Variants in PLCE1 observed in about 807,000 individuals in gnomAD.
PLCE1 encodes the protein phospholipase C epsilon 1.
A neutral mutation model predicts 242.8 loss-of-function variants in PLCE1; 119 were observed. That is an observed-to-expected ratio of 0.49 (90% CI 0.42 to 0.57). The LOEUF is 0.57. PLCE1 is among the 20% of genes least tolerant of loss of function. The pLI is 0.00. For synonymous variants in PLCE1, 945 were observed against 1,017.4 expected (o/e 0.93, Z 1.35); for missense variants, 2,441 against 2,788.8 (o/e 0.88, Z 2.81).
At chr10:94,302,862 A>G (rs777568144) in intron 24 of PLCE1, among the ~76,000 whole-genome samples, 3 of 152,188 alleles carry the variant, frequency 2.0e-5, no homozygotes, top group Non-Finnish European at 2.9e-5. Flanking sequence ...TGCTGTTGTT[A>G]GTACTGTATG....
intron 3 of PLCE1, among the ~76,000 whole-genome samples, chr10:94,151,623 C>A (rs188432857): frequency 2.0e-5 from 3 of 152,074 alleles, no homozygotes; most frequent in Admixed American, 6.5e-5. Flanking sequence ...TGCTTAACTG[C>A]GATGGTTACA....
At chr10:94,238,118 A>G (rs546202351) in intron 7 of PLCE1, among the ~76,000 whole-genome samples, 16 of 152,342 alleles carry the variant, frequency 1.1e-4, no homozygotes, top group Admixed American at 9.8e-4. Context: ...AAGTGATTAT[A>G]AAAAGTTCAA....
intron 30 of PLCE1, among the ~76,000 whole-genome samples, chr10:94,322,710 G>T (rs575313828): frequency 6.6e-6 from 1 of 151,942 alleles, no homozygotes; most frequent in Non-Finnish European, 1.5e-5. Flanking sequence ...GCTTGAACCC[G>T]GGAGGCAGAG....
At chr10:94,206,805 T>C (rs2049171149) in intron 4 of PLCE1, among the ~76,000 whole-genome samples, 2 of 152,252 alleles carry the variant, frequency 1.3e-5, no homozygotes, top group East Asian at 3.9e-4. Flanking sequence ...CCAGACCAAC[T>C]CTTAATCAGT....
At chr10:94,048,386 C>A (rs759317985) in intron 2 of PLCE1, among the ~76,000 whole-genome samples, 1 of 151,924 alleles carries the variant, frequency 6.6e-6, no homozygotes, top group African/African-American at 2.4e-5. Flanking sequence ...AGTTTACACA[C>A]CCCCCAACCC....
At chr10:94,039,668 G>A (rs1319367598) in intron 2 of PLCE1, among the ~76,000 whole-genome samples, 2 of 152,206 alleles carry the variant, frequency 1.3e-5, no homozygotes, top group Non-Finnish European at 2.9e-5. Context: ...TTACAGGCGT[G>A]AGCCACCACA....
At chr10:94,301,964 G>A (rs2053054115) in intron 24 of PLCE1, among the ~76,000 whole-genome samples, 1 of 152,146 alleles carries the variant, frequency 6.6e-6, no homozygotes, top group Non-Finnish European at 1.5e-5. Context: ...ATAATGCAGA[G>A]TATTTTAATG....
At chr10:94,283,498 T>C (rs185892499) in intron 20 of PLCE1, 2 of 345,864 alleles carry the variant, frequency 5.8e-6, no homozygotes, top group Admixed American at 4.1e-5. Context: ...TGTATGAAAA[T>C]TGGCATCTTC....
At chr10:93,996,217 C>T (rs1335389062) in intron 1 of PLCE1, among the ~76,000 whole-genome samples, 1 of 152,156 alleles carries the variant, frequency 6.6e-6, no homozygotes, top group Non-Finnish European at 1.5e-5. Context: ...CTCTCTCTGC[C>T]GGAACTACTT....
chr10:94,139,548 C>A (rs2046889972), intron 3 of PLCE1: 1 of 152,788 alleles, frequency 6.5e-6, no homozygotes, highest in Non-Finnish European at 1.5e-5. Context: ...CCCCTAACAA[C>A]TTAGATTTTA....
chr10:94,106,944 C>CTCTCTCTCTCTCTCTCTCTCT (rs1554855409), intron 2 of PLCE1: 19 of 126,366 alleles, frequency 1.5e-4, no homozygotes, highest in East Asian at 4.6e-4. Context: ...CTCTCTCTCT[C>CTCTCTCTCTCTCTCTCTCTCT]CCCCTCCCCT....
chr10:94,304,346 T>C, intron 24 of PLCE1, 136 bp from the exon 25 acceptor site: 2 of 809,682 alleles, frequency 2.5e-6, no homozygotes, highest in Middle Eastern at 3.5e-4. Context: ...GTGGGACGAA[T>C]GGGTGATTAT....
chr10:94,040,141 C>A (rs1254168006), intron 2 of PLCE1, among the ~76,000 whole-genome samples: 2 of 152,002 alleles, frequency 1.3e-5, no homozygotes, highest in African/African-American at 2.4e-5. Flanking sequence ...TTTTTTGTAG[C>A]AGCAAGATCT....
At chr10:94,238,594 A>G (rs1433220407) in intron 7 of PLCE1, among the ~76,000 whole-genome samples, 1 of 152,224 alleles carries the variant, frequency 6.6e-6, no homozygotes, top group African/African-American at 2.4e-5. Context: ...ATTTCATATG[A>G]ATTATAATGC....
chr10:94,295,675 A>G lies in PLCE1; in HGVS notation c.5167+2036A>G, dbSNP rs192199487. On this transcript the variant is annotated intron_variant, in intron 23 of 32. Transcript: ENST00000371380. ...TCATTTTATTTTCACCAGATCCATC[A>G]GAGGAATCACAACCTATGGAAGCTT... Among the ~76,000 whole-genome samples the G allele has an allele frequency of 1.6e-3, 251 of 152,364 alleles. 2 individuals carry two copies. The highest frequency in any genetic ancestry group is 2.4e-3 in the Non-Finnish European group (165 of 68,036).
At chr10:94,069,759 C>T (rs1232034646) in intron 2 of PLCE1, among the ~76,000 whole-genome samples, 2 of 152,158 alleles carry the variant, frequency 1.3e-5, no homozygotes, top group African/African-American at 2.4e-5. Context: ...ATTTGAATAG[C>T]GGATTATTTT....
At chr10:94,017,958 G>T (rs2061310346) in intron 1 of PLCE1, among the ~76,000 whole-genome samples, 1 of 152,170 alleles carries the variant, frequency 6.6e-6, no homozygotes, top group Non-Finnish European at 1.5e-5. Flanking sequence ...CTGAAAGACT[G>T]TAATGTAAGA....
chr10:94,191,390 C>T (rs1048176333), intron 4 of PLCE1, among the ~76,000 whole-genome samples: 1 of 152,104 alleles, frequency 6.6e-6, no homozygotes, highest in African/African-American at 2.4e-5. Context: ...GTCTGTGATC[C>T]CAGCACTTTG....
intron 2 of PLCE1, among the ~76,000 whole-genome samples, chr10:94,065,763 T>C (rs751620671): frequency 1.1e-4 from 16 of 152,276 alleles, no homozygotes; most frequent in Middle Eastern, 3.4e-3. Context: ...AGTAGGACCA[T>C]TGGCTGTTAG....
Sources: gnomAD v4.1 joint callset for allele counts (sites outside exome capture counted in the v4.1 genomes callset) on GRCh38, gnomAD v4.1.1 for gene constraint, MANE v1.5 for transcripts, NCBI Gene and HGNC (gene_info 2026-07-23, HGNC 2026-07-21) for gene names.